DLG1: variants seen among roughly 807,000 people sequenced by gnomAD.
DLG1 encodes disks large homolog 1.
A neutral mutation model predicts 123.4 loss-of-function variants in DLG1; 42 were observed. The observed-to-expected ratio is 0.34, with a 90% CI of 0.27 to 0.44. The LOEUF is 0.44. Ranked by LOEUF, DLG1 falls within the 20% of genes least tolerant of loss-of-function variation. DLG1 has a pLI of 1.00. For missense variants in DLG1, 942 were observed against 1,082.6 expected (o/e 0.87, Z 1.82); for synonymous variants, 317 against 356.2 (o/e 0.89, Z 1.24).
intron 4 of DLG1, among the ~76,000 whole-genome samples, chr3:197,226,832 A>G (rs1315380169): frequency 6.6e-6 from 1 of 152,220 alleles, no homozygotes; most frequent in Non-Finnish European, 1.5e-5. Context: ...TCTTTCAAAT[A>G]TTATTTTCTG....
intron 3 of DLG1, among the ~76,000 whole-genome samples, chr3:197,290,134 TAAGGATGG>T (rs1488035105): frequency 6.6e-6 from 1 of 151,634 alleles, no homozygotes; most frequent in East Asian, 1.9e-4. Flanking sequence ...CAAATGTCAT[TAAGGATGG>T]TAATAAATGA....
intron 11 of DLG1, among the ~76,000 whole-genome samples, chr3:197,120,153 C>T (rs910313272): frequency 1.3e-5 from 2 of 151,416 alleles, no homozygotes; most frequent in East Asian, 3.9e-4. Context: ...CCCACTTACT[C>T]GGGAGGCTGA....
chr3:197,123,667 A>G (rs1777564790), intron 11 of DLG1, among the ~76,000 whole-genome samples: 1 of 152,202 alleles, frequency 6.6e-6, no homozygotes, highest in African/African-American at 2.4e-5. Context: ...TATACTGTTG[A>G]AATTGTTCAG....
At chr3:197,146,778 A>T (rs1791002132) in intron 6 of DLG1, among the ~76,000 whole-genome samples, 1 of 152,218 alleles carries the variant, frequency 6.6e-6, no homozygotes, top group Admixed American at 6.5e-5. Flanking sequence ...CAAATCCAAC[A>T]AAAACAAAGA....
intron 4 of DLG1, among the ~76,000 whole-genome samples, chr3:197,270,706 C>T (rs191085286): frequency 2.0e-5 from 3 of 152,226 alleles, no homozygotes; most frequent in South Asian, 2.1e-4. Context: ...GTACCTTTCC[C>T]GTGGAAGATC....
At chr3:197,282,905 G>T in intron 3 of DLG1, 60 bp from the exon 4 acceptor site, 1 of 1,044,542 alleles carries the variant, frequency 9.6e-7, no homozygotes, top group African/African-American at 1.6e-5. Context: ...ATTATGCAAT[G>T]CTATAACAAC....
Position 197,269,198 on chromosome 3 carries a change from C to T in DLG1, c.318+13481G>A, listed in dbSNP as rs181906811. ...GTATTATGTACTGTACCTAATTATA[C>T]GTGCTATGCTTTTATGACTGGCAGA... On this transcript the variant is annotated intron_variant, in intron 4 of 24. Transcript: ENST00000667157. Among the ~76,000 whole-genome samples the T allele has an allele frequency of 2.4e-3, 365 of 152,232 alleles. 2 individuals are homozygous for T. Among genetic ancestry groups the T allele is most frequent in the East Asian group, 2.7e-3 (14 of 5,188 alleles).
At chr3:197,123,171 T>C (rs894373558) in intron 11 of DLG1, among the ~76,000 whole-genome samples, 14 of 152,076 alleles carry the variant, frequency 9.2e-5, no homozygotes, top group Non-Finnish European at 1.8e-4. Context: ...CGGACCTAAA[T>C]GTGAAAGGCA....
chr3:197,200,548 A>G (rs1408548939), intron 4 of DLG1, among the ~76,000 whole-genome samples: 2 of 152,188 alleles, frequency 1.3e-5, no homozygotes, highest in Non-Finnish European at 2.9e-5. Context: ...GGCCAATACC[A>G]CTAATGAACA....
In DLG1 at chr3:197,042,673, G is replaced by A. The variant is rs973252152; in HGVS notation, c.*1950C>T. 4 of 152,014 alleles carry A rather than the reference G, an allele frequency of 2.6e-5. No homozygotes were observed. Among genetic ancestry groups the A allele is most frequent in the South Asian group, 2.1e-4 (1 of 4,826 alleles). 9.4% of individuals were successfully genotyped at this position (152,014 alleles called of 1,614,324 possible). The stretch of plus-strand genomic sequence containing the variant: ...AATACTTCAAAATAGCTTATGCTGC[G>A]GTCTTGTAAGGCAGTTTCTGAAGCT... On this transcript the variant is annotated 3_prime_UTR_variant, in exon 25 of 25. Coordinates refer to ENST00000667157, the MANE Select transcript of DLG1 (RefSeq NM_001366207.1).
At chr3:197,190,757 TC>T (rs1182895972) in intron 5 of DLG1, among the ~76,000 whole-genome samples, 2 of 152,182 alleles carry the variant, frequency 1.3e-5, no homozygotes, top group Non-Finnish European at 2.9e-5. Context: ...CCGCCTGTAA[TC>T]CCAGCACTGT....
intron 3 of DLG1, among the ~76,000 whole-genome samples, chr3:197,295,914 T>G (rs1777168659): frequency 6.6e-6 from 1 of 152,182 alleles, no homozygotes; most frequent in East Asian, 1.9e-4. Flanking sequence ...GGTCTAAAAT[T>G]CTGACTCCAT....
chr3:197,177,162 A>G (rs146141183), intron 5 of DLG1, among the ~76,000 whole-genome samples: 9 of 152,258 alleles, frequency 5.9e-5, no homozygotes, highest in African/African-American at 2.2e-4. Flanking sequence ...AGTCTGAGTC[A>G]TCATATTAAT....
At chr3:197,134,906 C>T (rs1000856740) in intron 10 of DLG1, among the ~76,000 whole-genome samples, 2 of 152,204 alleles carry the variant, frequency 1.3e-5, no homozygotes, top group African/African-American at 4.8e-5. Context: ...AGGGGGTAGA[C>T]AAGAGACAGG....
chr3:197,086,101 T>C (rs184975198), intron 15 of DLG1, among the ~76,000 whole-genome samples: 24 of 152,238 alleles, frequency 1.6e-4, no homozygotes, highest in Admixed American at 2.6e-4. Flanking sequence ...TACATTCTTC[T>C]CTTTACTTTG....
At chr3:197,250,971 A>G (rs1754115249) in intron 4 of DLG1, among the ~76,000 whole-genome samples, 1 of 144,742 alleles carries the variant, frequency 6.9e-6, no homozygotes, top group African/African-American at 2.6e-5. Context: ...CAACAGAGCA[A>G]GACTCCATCA....
chr3:197,290,237 T>C (rs576829131), intron 3 of DLG1, among the ~76,000 whole-genome samples: 2 of 152,288 alleles, frequency 1.3e-5, no homozygotes, highest in African/African-American at 4.8e-5. Context: ...TAGAATAAAA[T>C]GCAAAGTGTT....
chr3:197,112,205 A>G (rs562400739), intron 13 of DLG1, among the ~76,000 whole-genome samples: 1 of 152,320 alleles, frequency 6.6e-6, no homozygotes, highest in East Asian at 1.9e-4. Context: ...TTACGACTTC[A>G]AGAATACCTA....
At chr3:197,257,884 A>C (rs900084458) in intron 4 of DLG1, among the ~76,000 whole-genome samples, 3 of 152,200 alleles carry the variant, frequency 2.0e-5, no homozygotes, top group Admixed American at 2.0e-4. Context: ...CCTGACAAAA[A>C]TGACACTTCA....
Sources: gnomAD v4.1 joint callset for allele counts (sites outside exome capture counted in the v4.1 genomes callset) on GRCh38, gnomAD v4.1.1 for gene constraint, MANE v1.5 for transcripts, NCBI Gene and HGNC (gene_info 2026-07-23, HGNC 2026-07-21) for gene names.